Variants in KCNH5 observed in about 807,000 individuals in gnomAD.
KCNH5 encodes the protein voltage-gated delayed rectifier potassium channel KCNH5.
KCNH5 carries 46 observed loss-of-function variants against 96.1 expected under a neutral mutation model. The ratio of observed to expected loss-of-function variants is 0.48; its 90% CI spans 0.38 to 0.61. The LOEUF is 0.61. Ranked by LOEUF, KCNH5 falls within the 20% of genes least tolerant of loss-of-function variation. The pLI is 0.00. For synonymous variants in KCNH5, 439 were observed against 449.8 expected (o/e 0.98, Z 0.30); for missense variants, 907 against 1,225.8 (o/e 0.74, Z 3.88).
intron 10 of KCNH5, among the ~76,000 whole-genome samples, chr14:62,734,118 A>G (rs1256541435): frequency 2.0e-5 from 3 of 152,140 alleles, no homozygotes; most frequent in Non-Finnish European, 4.4e-5. Context: ...CCAATGGCTC[A>G]ATATATTCAA....
Position 62,817,368 on chromosome 14 carries a change from T to C in KCNH5, c.1570-14787A>G, listed in dbSNP as rs557107737. ...GTCACAAAAAAGAACCAAACAGGAA[T>C]TCTGGAGCTTAAGAATACAATGAAC... On this transcript the variant is annotated intron_variant, in intron 8 of 10. Coordinates refer to ENST00000322893, the MANE Select transcript of KCNH5 (RefSeq NM_139318.5). 3.3e-4 allele frequency among the ~76,000 whole-genome samples: 48 copies of C among 147,548 alleles called. No homozygotes were observed. In the East Asian group the frequency reaches 8.8e-3, roughly 27 times the overall value.
At chr14:62,851,996 T>C (rs1887816847) in intron 7 of KCNH5, among the ~76,000 whole-genome samples, 1 of 152,174 alleles carries the variant, frequency 6.6e-6, no homozygotes, top group African/African-American at 2.4e-5. Context: ...CACTAATAAG[T>C]GAAGAATTAT....
At chr14:62,913,261 CTT>C (rs1036352842) in intron 7 of KCNH5, among the ~76,000 whole-genome samples, 1 of 151,820 alleles carries the variant, frequency 6.6e-6, no homozygotes, top group Admixed American at 6.6e-5. Flanking sequence ...GAGTTTTGCT[CTT>C]GTCTCCCAGG....
chr14:62,786,993 A>AC (rs1886333331), intron 9 of KCNH5, among the ~76,000 whole-genome samples: 1 of 152,148 alleles, frequency 6.6e-6, no homozygotes, highest in South Asian at 2.1e-4. Flanking sequence ...CCAACCAGCA[A>AC]CCTTAAAATG....
intron 7 of KCNH5, among the ~76,000 whole-genome samples, chr14:62,859,824 C>T (rs1469077921): frequency 6.6e-6 from 1 of 152,156 alleles, no homozygotes; most frequent in African/African-American, 2.4e-5. Context: ...CCATGCAGAA[C>T]CATCTGTGAA....
intron 7 of KCNH5, among the ~76,000 whole-genome samples, chr14:62,945,808 CA>C (rs1215371586): frequency 6.6e-6 from 1 of 151,988 alleles, no homozygotes; most frequent in Non-Finnish European, 1.5e-5. Flanking sequence ...GACTCTGAGA[CA>C]GGCCTAAGAC....
intron 9 of KCNH5, among the ~76,000 whole-genome samples, chr14:62,782,473 A>G (rs935194112): frequency 6.6e-6 from 1 of 152,214 alleles, no homozygotes; most frequent in Non-Finnish European, 1.5e-5. Context: ...GAGCAAATTA[A>G]CAACCTAATA....
intron 8 of KCNH5, among the ~76,000 whole-genome samples, chr14:62,804,415 A>G (rs995055011): frequency 6.6e-6 from 1 of 152,190 alleles, no homozygotes. Flanking sequence ...GCACTTACTG[A>G]GCTTCCACAA....
At chr14:62,911,632 A>G (rs2140101134) in intron 7 of KCNH5, among the ~76,000 whole-genome samples, 1 of 152,302 alleles carries the variant, frequency 6.6e-6, no homozygotes, top group African/African-American at 2.4e-5. Flanking sequence ...CAGAATACAA[A>G]TTAGAGAAGT....
In KCNH5 at chr14:62,803,764, C is replaced by T. The variant is rs550907402; in HGVS notation, c.1570-1183G>A. Reference sequence around the variant, plus strand: ...AACATCGTGGAGCAAGATGTGATTGCGGAAGTTAATACCACCCATTTTAAA... The same window carrying T: ...AACATCGTGGAGCAAGATGTGATTGTGGAAGTTAATACCACCCATTTTAAA... On this transcript the variant is annotated intron_variant, in intron 8 of 10. Coordinates refer to ENST00000322893, the MANE Select transcript of KCNH5 (RefSeq NM_139318.5). Among the ~76,000 whole-genome samples the T allele has an allele frequency of 6.6e-5, 10 of 152,168 alleles. No individual in the cohort carries two copies. The South Asian group carries it at 1.2e-3, about 19-fold the overall frequency.
intron 9 of KCNH5, among the ~76,000 whole-genome samples, chr14:62,785,935 G>C (rs771018631): frequency 3.9e-5 from 6 of 152,176 alleles, no homozygotes; most frequent in Non-Finnish European, 8.8e-5. Flanking sequence ...GCTCATGCCT[G>C]TAATCCCAGC....
At chr14:62,752,399 C>T (rs1056714737) in intron 10 of KCNH5, among the ~76,000 whole-genome samples, 1 of 151,962 alleles carries the variant, frequency 6.6e-6, no homozygotes, top group Admixed American at 6.6e-5. Context: ...ATCAAGTGGG[C>T]TCTTGGGGTC....
intron 10 of KCNH5, 60 bp downstream of exon 10, chr14:62,779,668 A>G (rs1042549267): frequency 5.3e-6 from 7 of 1,329,648 alleles, no homozygotes; most frequent in Non-Finnish European, 6.2e-6. Context: ...TTCAGCTAAT[A>G]GAGCTGAATT....
In KCNH5 at chr14:62,707,831, G is replaced by A. The variant is rs1451729920; in HGVS notation, c.2644C>T (p.Arg882Ter). Residue 882 changes from arginine to a stop codon, truncating the protein, a stop_gained, in exon 11 of 11, where the codon CGA becomes TGA. Transcript: ENST00000322893. LOFTEE classifies it high-confidence loss of function. Reference sequence around the variant, plus strand: ...ATGGGACTGTGCTCTAGCGGACTTCGGGCCTCCCCAGCCTTATCCAAACGA... The same window carrying A: ...ATGGGACTGTGCTCTAGCGGACTTCAGGCCTCCCCAGCCTTATCCAAACGA... Reference protein sequence around the residue: ...DLRLDKAGEARSPLEHSPIQA... With the variant: ...DLRLDKAGEA 5.0e-6 allele frequency: 8 copies of A among 1,614,082 alleles called. No homozygotes were observed. The highest frequency in any genetic ancestry group is 1.7e-5 in the Admixed American group (1 of 60,002).
At position 62,734,757 on chromosome 14, in the gene KCNH5, A is replaced by G. The variant is rs575093761; in HGVS notation, c.2020-26302T>C. On this transcript the variant is annotated intron_variant, in intron 10 of 10. Transcript: ENST00000322893. ...AACTTTAAGTGCTCTAAGGCAGGGA[A>G]CGTGACTTGGTCCTTTTTTCACAAC... Among the ~76,000 whole-genome samples, 408 of 152,288 alleles carry G rather than the reference A, an allele frequency of 2.7e-3. 1 individual carries two copies. Among genetic ancestry groups the G allele is most frequent in the African/African-American group, 8.9e-3 (371 of 41,560 alleles).
chr14:62,715,428 C>G (rs986180429), intron 10 of KCNH5, among the ~76,000 whole-genome samples: 2 of 152,174 alleles, frequency 1.3e-5, no homozygotes, highest in African/African-American at 4.8e-5. Flanking sequence ...CTTACTGCTT[C>G]CATCATCTTA....
chr14:62,821,139 C>T (rs964386315), intron 8 of KCNH5, among the ~76,000 whole-genome samples: 4 of 150,550 alleles, frequency 2.7e-5, no homozygotes, highest in Non-Finnish European at 4.4e-5. Flanking sequence ...CTTAAAAAAG[C>T]GGGCAAAGGA....
At chr14:62,832,866 G>A (rs934749521) in intron 8 of KCNH5, among the ~76,000 whole-genome samples, 4 of 152,026 alleles carry the variant, frequency 2.6e-5, no homozygotes, top group African/African-American at 7.2e-5. Flanking sequence ...TAGTGATGTT[G>A]GGCACCTTTG....
chr14:62,821,991 T>A (rs903844973), intron 8 of KCNH5, among the ~76,000 whole-genome samples: 1 of 152,138 alleles, frequency 6.6e-6, no homozygotes, highest in Non-Finnish European at 1.5e-5. Flanking sequence ...AATGAACATG[T>A]GGAAACCAAA....
Sources: gnomAD v4.1 joint callset for allele counts (sites outside exome capture counted in the v4.1 genomes callset) on GRCh38, gnomAD v4.1.1 for gene constraint, MANE v1.5 for transcripts, NCBI Gene and HGNC (gene_info 2026-07-23, HGNC 2026-07-21) for gene names.